SFI1: variants seen among roughly 807,000 people sequenced by gnomAD.
SFI1 encodes SFI1 centrin binding protein.
Under a neutral mutation model 207.5 loss-of-function variants are expected in SFI1, and 195 were observed. The ratio of observed to expected loss-of-function variants is 0.94; its 90% CI spans 0.84 to 1.06. The LOEUF is 1.06. Ranked by LOEUF, SFI1 falls within the 50% of genes least tolerant of loss-of-function variation. The probability of loss-of-function intolerance (pLI) is 0.00; values close to 1 mark genes in which losing one functional copy is unlikely to be tolerated. For missense variants in SFI1, 1,634 were observed against 1,588.0 expected (o/e 1.03, Z -0.49); for synonymous variants, 630 against 598.9 (o/e 1.05, Z -0.76).
intron 29 of SFI1, 136 bp from the exon 30 acceptor site, chr22:31,616,609 G>T: frequency 1.1e-6 from 1 of 931,290 alleles, no homozygotes; most frequent in Admixed American, 2.7e-5. Flanking sequence ...CCAGTGCCTG[G>T]GAAGCCCAGC....
chr22:31,608,368 A>G (rs934667300), intron 22 of SFI1, among the ~76,000 whole-genome samples: 28 of 152,192 alleles, frequency 1.8e-4, no homozygotes, highest in Admixed American at 7.8e-4. Context: ...CCATCTTGAC[A>G]TATCGTTCCC....
rs143850653 is a variant in SFI1, at chr22:31,516,284, G to T, written c.92+7908G>T. On this transcript the variant is annotated intron_variant, in intron 2 of 32. Transcript: ENST00000400288. ...TTCTAGCACTTTGAGAGGCCAAGGAGGGTGGATCACTTGAGGTCAGGAGTT... is the reference window on the plus strand; with the variant it reads ...TTCTAGCACTTTGAGAGGCCAAGGATGGTGGATCACTTGAGGTCAGGAGTT... Among the ~76,000 whole-genome samples the T allele has an allele frequency of 1.3e-3, 199 of 152,118 alleles. 1 individual carries two copies. In the East Asian group the frequency reaches 0.026, roughly 20 times the overall value.
chr22:31,613,693 C>T lies in SFI1; in HGVS notation c.2834C>T (p.Ala945Val). ...LGRGGKPQPL[A>V]AIAPSRKVTF... ...CGGGGCGGGAAGCCTCAGCCCCTGG[C>T]AGCCATCGCACCCAGCAGGAAAGTG... Residue 945 changes from alanine to valine, a missense_variant, in exon 27 of 33, where the codon GCA (alanine) becomes GTA (valine). Ala to Val is a moderately conservative substitution (Grantham distance 64, BLOSUM62 0). Transcript: ENST00000400288. 2 of 1,611,590 alleles carry T rather than the reference C, an allele frequency of 1.2e-6. No individual in the cohort carries two copies. Among genetic ancestry groups the T allele is most frequent in the Non-Finnish European group, 1.7e-6 (2 of 1,178,930 alleles).
At chr22:31,587,356 C>T (rs2065163662) in intron 14 of SFI1, 5 of 373,044 alleles carry the variant, frequency 1.3e-5, no homozygotes, top group Non-Finnish European at 2.8e-5. Flanking sequence ...GGCTGGAGTA[C>T]AGTGGCATGA....
chr22:31,522,691 C>G lies in SFI1; in HGVS notation c.93-5999C>G, dbSNP rs148665415. Among the ~76,000 whole-genome samples the G allele has an allele frequency of 3.1e-3, 478 of 152,184 alleles. 6 individuals carry two copies. Among genetic ancestry groups the G allele is most frequent in the Non-Finnish European group, 5.3e-3 (362 of 68,008 alleles). On this transcript the variant is annotated intron_variant, in intron 2 of 32. Coordinates refer to ENST00000400288, the MANE Select transcript of SFI1 (RefSeq NM_001007467.3). ...TTTTCTTTTGAGATGGAGTCTCGCT[C>G]TGTCACCAGGCTGGAGTGCAGTGGT...
At chr22:31,599,470 G>A (rs2067754602) in intron 15 of SFI1, among the ~76,000 whole-genome samples, 2 of 152,062 alleles carry the variant, frequency 1.3e-5, no homozygotes, top group African/African-American at 2.4e-5. Flanking sequence ...GGGACTATAG[G>A]CACACGCCAC....
chr22:31,559,803 G>A (rs2061505010), intron 7 of SFI1: 3 of 714,216 alleles, frequency 4.2e-6, no homozygotes, highest in African/African-American at 1.7e-5. Flanking sequence ...AAGAAGCTCC[G>A]TGCAGATGTG....
rs2070647059 is a variant in SFI1, at chr22:31,613,011, C to T, written c.2491-131C>T. ...TCTCACCGCCAGGCACAAGGCTGGC[C>T]CTTCCTAGTGGAGGAAGTGGGAGCC... is the stretch of plus-strand genomic sequence containing the variant. On this transcript the variant is annotated intron_variant, in intron 24 of 32. Transcript: ENST00000400288. 3.4e-6 allele frequency: 3 copies of T among 890,436 alleles called. No homozygotes were observed. In the Admixed American group the frequency reaches 7.4e-5, roughly 22 times the overall value. 55.2% of individuals were successfully genotyped at this position (890,436 alleles called of 1,614,324 possible). A position where few individuals can be genotyped will look rare whatever the true frequency, so the allele number is the denominator to read the frequency against.
intron 23 of SFI1, 22 bp downstream of exon 23, chr22:31,611,325 C>A (rs756097875): frequency 1.3e-6 from 2 of 1,568,262 alleles, no homozygotes. Context: ...GGTGGCAACT[C>A]TCCAAGTTCT....
At position 31,613,883 on chromosome 22, in the gene SFI1, C is replaced by T. The variant is rs201806113; in HGVS notation, c.2996+28C>T. ...GAGTAGCCTGTGCTCACCTTGTCCT[C>T]GCTTCCACCCTGGGCAAAAGGTTGG... On this transcript the variant is annotated intron_variant, in intron 27 of 32. Coordinates refer to ENST00000400288, the MANE Select transcript of SFI1 (RefSeq NM_001007467.3). The T allele has an allele frequency of 8.3e-5, 129 of 1,558,484 alleles. No individual in the cohort carries two copies. In the East Asian group the frequency reaches 2.6e-3, roughly 32 times the overall value.
intron 8 of SFI1, among the ~76,000 whole-genome samples, chr22:31,571,244 C>A (rs1468572966): frequency 6.6e-6 from 1 of 152,150 alleles, no homozygotes; most frequent in Non-Finnish European, 1.5e-5. Context: ...CTGACAAACA[C>A]CAAATCATAG....
intron 5 of SFI1, among the ~76,000 whole-genome samples, chr22:31,549,961 G>T (rs1387945103): frequency 1.3e-5 from 2 of 151,428 alleles, no homozygotes; most frequent in Non-Finnish European, 2.9e-5. Context: ...ACAGAGTCTT[G>T]CTCTGTTGTC....
chr22:31,612,687 A>G (rs546024711), intron 24 of SFI1: 1 of 163,950 alleles, frequency 6.1e-6, no homozygotes, highest in African/African-American at 2.4e-5. Context: ...ATGCCACTGC[A>G]CTTCAGCCTG....
intron 2 of SFI1, among the ~76,000 whole-genome samples, chr22:31,522,413 G>A (rs1251635379): frequency 1.3e-5 from 2 of 152,152 alleles, no homozygotes; most frequent in African/African-American, 2.4e-5. Flanking sequence ...TTGACAATGT[G>A]TAACCATCAC....
chr22:31,550,382 C>T (rs774013229), intron 6 of SFI1, 34 bp downstream of exon 6: 2 of 1,536,290 alleles, frequency 1.3e-6, no homozygotes, highest in Admixed American at 3.4e-5. Context: ...GAAGAAGATG[C>T]CCACATTTAC....
At chr22:31,540,571 C>T (rs896884900) in intron 4 of SFI1, among the ~76,000 whole-genome samples, 26 of 149,200 alleles carry the variant, frequency 1.7e-4, no homozygotes, top group East Asian at 8.0e-4. Context: ...TGAGCCACCG[C>T]GCCCAGCCTA....
chr22:31,524,078 T>C (rs1311680822), intron 2 of SFI1, among the ~76,000 whole-genome samples: 1 of 151,946 alleles, frequency 6.6e-6, no homozygotes, highest in African/African-American at 2.4e-5. Flanking sequence ...GGCGTGCACC[T>C]GTAGTCCCAC....
At chr22:31,609,998 CG>C (rs1167128544) in intron 22 of SFI1, among the ~76,000 whole-genome samples, 2 of 152,158 alleles carry the variant, frequency 1.3e-5, no homozygotes, top group Non-Finnish European at 2.9e-5. Flanking sequence ...TAGAGGGAGG[CG>C]GTGGCAGGCT....
intron 27 of SFI1, chr22:31,614,501 G>A (rs1299292013): frequency 3.2e-6 from 2 of 617,450 alleles, no homozygotes; most frequent in South Asian, 1.5e-5. Context: ...CGTCTCAGAG[G>A]CTGCTCCCCT....
Sources: allele counts gnomAD v4.1 joint callset (sites outside exome capture counted in the v4.1 genomes callset), GRCh38; gene constraint gnomAD v4.1.1; transcripts MANE v1.5; gene names NCBI Gene and HGNC (gene_info 2026-07-23, HGNC 2026-07-21).